Variants in POM121 observed in about 807,000 individuals in gnomAD.
POM121 encodes POM121 transmembrane nucleoporin, also known as nuclear envelope pore membrane protein POM 121.
POM121 carries 32 observed loss-of-function variants against 81.3 expected under a neutral mutation model. The ratio of observed to expected loss-of-function variants is 0.39; its 90% CI spans 0.30 to 0.53. The LOEUF (loss-of-function observed/expected upper bound fraction) is 0.53, where lower values mean the gene tolerates loss of function less well. POM121 is among the 20% of genes least tolerant of loss of function. The probability of loss-of-function intolerance (pLI) is 0.66; values close to 1 mark genes in which losing one functional copy is unlikely to be tolerated. For missense variants in POM121, 1,138 were observed against 1,614.6 expected (o/e 0.70, Z 5.06); for synonymous variants, 514 against 694.2 (o/e 0.74, Z 4.08).
At chr7:72,918,649 G>A (rs1483647145) in intron 4 of POM121, among the ~76,000 whole-genome samples, 2 of 151,852 alleles carry the variant, frequency 1.3e-5, no homozygotes, top group African/African-American at 2.4e-5. Context: ...TCGTGCCCTC[G>A]GTCTCTTGCC....
At chr7:72,949,025 G>A, downstream of POM121, 2 of 1,612,896 alleles carry the variant, frequency 1.2e-6, no homozygotes, top group Non-Finnish European at 1.7e-6. Flanking sequence ...GCTCGCTGCT[G>A]GAACCCTGCC....
intron 3 of POM121, among the ~76,000 whole-genome samples, chr7:72,900,946 A>C (rs781794200): frequency 5.4e-5 from 8 of 149,412 alleles, no homozygotes; most frequent in Admixed American, 2.7e-4. Flanking sequence ...TAGGGCTATG[A>C]ATTTACCTAA....
chr7:72,902,916 C>T (rs1792847391), intron 3 of POM121, among the ~76,000 whole-genome samples: 1 of 152,184 alleles, frequency 6.6e-6, no homozygotes, highest in Non-Finnish European at 1.5e-5. Flanking sequence ...CTTTATTCAT[C>T]GTTTCTTTTA....
chr7:72,888,064 A>G (rs1253601961), intron 1 of POM121, among the ~76,000 whole-genome samples: 20 of 152,038 alleles, frequency 1.3e-4, no homozygotes, highest in African/African-American at 4.6e-4. Flanking sequence ...GGGTCTTGCT[A>G]TGTTGCCAAG....
At chr7:72,921,133 G>A (rs1420442100), upstream of POM121, among the ~76,000 whole-genome samples, 3 of 152,112 alleles carry the variant, frequency 2.0e-5, no homozygotes, top group Non-Finnish European at 4.4e-5. Context: ...GCAGTGAGCC[G>A]AGATCGCGCC....
chr7:72,910,798 G>T (rs1554494154), intron 3 of POM121, among the ~76,000 whole-genome samples: 1 of 152,020 alleles, frequency 6.6e-6, no homozygotes, highest in Non-Finnish European at 1.5e-5. Flanking sequence ...TTTTGCGGGG[G>T]TTAGGGGATG....
In POM121 at chr7:72,926,819, G is replaced by C. The variant is rs782554582; in HGVS notation, c.878G>C (p.Ser293Thr). Residue 293 changes from serine to threonine, a missense_variant, in exon 3 of 13, where the codon AGC (serine) becomes ACC (threonine). Physicochemically the swap from Ser to Thr is moderately conservative, Grantham distance 58. Transcript: ENST00000434423. ...SRSAIPEQII[S>T]STLSSPSSNA... Reference sequence around the variant, plus strand: ...CATTGTAGACCAGAGCAGATAATCAGCTCAACACTGTCCTCACCATCAAGT... The same window carrying C: ...CATTGTAGACCAGAGCAGATAATCACCTCAACACTGTCCTCACCATCAAGT... 3 of 1,613,966 alleles carry C rather than the reference G, an allele frequency of 1.9e-6. No homozygotes were observed. In the East Asian group the frequency reaches 6.7e-5, roughly 36 times the overall value.
At position 72,925,187 on chromosome 7, in the gene POM121, C is replaced by T. The variant is rs1795257727; in HGVS notation, c.66C>T (p.Asp22=). ...ERRRPIASVR[D]GRGRGCGGPA... ...GGCGGCCCATAGCGAGTGTCAGGGA[C>T]GGCCGGGGCCGGGGCTGCGGCGGGC... Residue 22 remains aspartate, a synonymous_variant, in exon 1 of 13, where the codon GAC becomes GAT. Coordinates refer to ENST00000434423, the MANE Select transcript of POM121 (RefSeq NM_001387691.1). 1 of 1,516,600 alleles carries T rather than the reference C, an allele frequency of 6.6e-7. No homozygotes were observed. 93.9% of individuals were successfully genotyped at this position (1,516,600 alleles called of 1,614,324 possible).
At chr7:72,897,120 C>G (rs185988608) in intron 3 of POM121, among the ~76,000 whole-genome samples, 12 of 152,100 alleles carry the variant, frequency 7.9e-5, no homozygotes, top group Non-Finnish European at 5.9e-5. Context: ...CCACTGTACT[C>G]CAGCCTGGGC....
Position 72,948,050 on chromosome 7 carries a change from T to C in POM121, c.*1816T>C. 1.6e-6 allele frequency: 2 copies of C among 1,253,752 alleles called. No homozygotes were observed. The highest frequency in any genetic ancestry group is 1.5e-5 in the African/African-American group (1 of 64,904). The allele number at this position is 1,253,752 out of a possible 1,614,324, so 77.7% of individuals were successfully genotyped here. On this transcript the variant is annotated 3_prime_UTR_variant, in exon 13 of 13. Coordinates refer to ENST00000434423, the MANE Select transcript of POM121 (RefSeq NM_001387691.1). ...GCTTCTACCTGTACCTTATGTAAGG[T>C]AGACCCTCCTAGTGTCAGTACCTGA...
At position 72,894,626 on chromosome 7, in the gene POM121, GGAGAGAGAGA is replaced by G. The variant is rs71071923; in HGVS notation, c.-216+3563_-216+3572del. On this transcript the variant is annotated intron_variant, in intron 3 of 15. Coordinates refer to the POM121 transcript ENST00000395270. The stretch of plus-strand genomic sequence containing the variant: ...GAGAGAGAGAGAGATGAGAGAGAGA[GGAGAGAGAGA>G]GAGAGAGAGAGAGAGAGAGAGAGAG... 3.8e-3 allele frequency among the ~76,000 whole-genome samples: 88 copies of G among 23,336 alleles called. 1 individual carries two copies. Among genetic ancestry groups the G allele is most frequent in the Middle Eastern group, 0.028 (1 of 36 alleles). 15.3% of individuals were successfully genotyped at this position (23,336 alleles called of 152,430 possible). A position where few individuals can be genotyped will look rare whatever the true frequency, so the allele number is the denominator to read the frequency against.
chr7:72,894,626 G>GAGAGAGAGAGAGAGAGAAAGA lies in POM121; in HGVS notation c.-216+3516_-216+3517insAGAGAGAGAGAGAGAGAAAGA, dbSNP rs1365638069. On this transcript the variant is annotated intron_variant, in intron 3 of 15. Transcript: ENST00000395270. ...GAGAGAGAGAGAGATGAGAGAGAGA[G>GAGAGAGAGAGAGAGAGAAAGA]GAGAGAGAGAGAGAGAGAGAGAGAG... 3.9e-4 allele frequency among the ~76,000 whole-genome samples: 9 copies of GAGAGAGAGAGAGAGAGAAAGA among 23,344 alleles called. 1 individual carries two copies. Among genetic ancestry groups the GAGAGAGAGAGAGAGAGAAAGA allele is most frequent in the Admixed American group, 1.7e-3 (3 of 1,744 alleles). 15.3% of individuals were successfully genotyped at this position (23,344 alleles called of 152,430 possible). A position where few individuals can be genotyped will look rare whatever the true frequency, so the allele number is the denominator to read the frequency against.
chr7:72,917,590 C>A (rs1441440198), intron 4 of POM121, among the ~76,000 whole-genome samples: 1 of 152,194 alleles, frequency 6.6e-6, no homozygotes, highest in Non-Finnish European at 1.5e-5. Context: ...GCTACCATCA[C>A]GAAATGCCAC....
intron 5 of POM121, among the ~76,000 whole-genome samples, chr7:72,931,070 T>G (rs1242058411): frequency 2.0e-5 from 3 of 152,012 alleles, no homozygotes; most frequent in Non-Finnish European, 4.4e-5. Context: ...TTGAGACGAG[T>G]TCATCAGCCC....
chr7:72,937,148 G>A (rs1438018712), intron 5 of POM121, among the ~76,000 whole-genome samples: 1 of 151,880 alleles, frequency 6.6e-6, no homozygotes, highest in Non-Finnish European at 1.5e-5. Flanking sequence ...CCAGCTACTC[G>A]GGAGGCTGAG....
chr7:72,901,623 G>A (rs570922070), intron 3 of POM121, among the ~76,000 whole-genome samples: 1 of 152,132 alleles, frequency 6.6e-6, no homozygotes, highest in East Asian at 1.9e-4. Context: ...AAAGTGCTGG[G>A]ATTACAGGCA....
chr7:72,895,265 T>C (rs1791827593), intron 3 of POM121, among the ~76,000 whole-genome samples: 2 of 152,324 alleles, frequency 1.3e-5, no homozygotes, highest in African/African-American at 4.8e-5. Context: ...GTAGGACAGT[T>C]GTATGTACCT....
At position 72,941,640 on chromosome 7, in the gene POM121, TC is replaced by T. The variant is rs200291619; in HGVS notation, c.1844-196del. On this transcript the variant is annotated intron_variant, in intron 10 of 12. Coordinates refer to ENST00000434423, the MANE Select transcript of POM121 (RefSeq NM_001387691.1). ...CCATTTAGGCCCCATTTTATCCCCT[TC>T]TGTCTGATGATCTGTGAGGTAGAAA... Among the ~76,000 whole-genome samples, 974 of 151,948 alleles carry T rather than the reference TC, an allele frequency of 6.4e-3. 3 individuals are homozygous for T. Among genetic ancestry groups the T allele is most frequent in the Admixed American group, 0.013 (200 of 15,276 alleles).
chr7:72,899,984 T>C (rs1554492402), intron 3 of POM121, among the ~76,000 whole-genome samples: 1 of 152,224 alleles, frequency 6.6e-6, no homozygotes, highest in African/African-American at 2.4e-5. Flanking sequence ...TTTCTAAACC[T>C]GGCCAAGCAA....
Sources: allele counts gnomAD v4.1 joint callset (sites outside exome capture counted in the v4.1 genomes callset), GRCh38; gene constraint gnomAD v4.1.1; transcripts MANE v1.5; gene names NCBI Gene and HGNC (gene_info 2026-07-23, HGNC 2026-07-21).